RBFOX2: variants seen among roughly 807,000 people sequenced by gnomAD.
RBFOX2 encodes the protein RNA binding protein fox-1 homolog 2.
In RBFOX2, 10 loss-of-function variants were observed where a neutral mutation model predicts 49.1. The ratio of observed to expected loss-of-function variants is 0.20; its 90% CI spans 0.13 to 0.35. RBFOX2 has a LOEUF of 0.35. Among genes scored for constraint, RBFOX2 ranks in the 10% least tolerant of loss-of-function variants. The probability of loss-of-function intolerance (pLI) is 1.00; values close to 1 mark genes in which losing one functional copy is unlikely to be tolerated. For synonymous variants in RBFOX2, 183 were observed against 187.4 expected, an observed-to-expected ratio of 0.98 and a Z score of 0.19; for missense variants, 323 against 486.9, an observed-to-expected ratio of 0.66 and a Z score of 3.17.
At chr22:35,917,482 G>A (rs1191572612) in intron 1 of RBFOX2, among the ~76,000 whole-genome samples, 1 of 152,176 alleles carries the variant, frequency 6.6e-6, no homozygotes, top group Non-Finnish European at 1.5e-5. Flanking sequence ...CATTATGCTA[G>A]GCAAAAATTA....
At chr22:36,025,617 T>C (rs1287542416) in intron 1 of RBFOX2, among the ~76,000 whole-genome samples, 1 of 152,194 alleles carries the variant, frequency 6.6e-6, no homozygotes, top group African/African-American at 2.4e-5. Flanking sequence ...CATGTAATAC[T>C]CTCACACTTC....
At chr22:35,945,479 A>G (rs2054176012) in intron 1 of RBFOX2, among the ~76,000 whole-genome samples, 1 of 152,172 alleles carries the variant, frequency 6.6e-6, no homozygotes. Flanking sequence ...ACTGTCGCCC[A>G]GGCTGGACTG....
chr22:35,960,518 C>G (rs973746937), intron 1 of RBFOX2, among the ~76,000 whole-genome samples: 1 of 152,162 alleles, frequency 6.6e-6, no homozygotes, highest in Non-Finnish European at 1.5e-5. Flanking sequence ...TGGGTCACCT[C>G]AGAAGATGTC....
chr22:35,761,480 A>C lies in RBFOX2; in HGVS notation c.608-12T>G. 6.2e-7 allele frequency: 1 copy of C among 1,613,862 alleles called. No individual in the cohort carries two copies. Among genetic ancestry groups the C allele is most frequent in the East Asian group, 2.2e-5 (1 of 44,882 alleles). On this transcript the variant is annotated splice_polypyrimidine_tract_variant and intron_variant, in intron 6 of 11. Coordinates refer to ENST00000405409, the Ensembl canonical transcript of RBFOX2. ...GCTTAATTTCCAACCTGAAACACAC[A>C]AAATGGAAGGTAAGCATTTAAGACT...
At chr22:35,838,821 A>G (rs1284487456) in intron 1 of RBFOX2, among the ~76,000 whole-genome samples, 1 of 152,348 alleles carries the variant, frequency 6.6e-6, no homozygotes. Flanking sequence ...AATTTTCTAA[A>G]CTCAGATTTG....
At chr22:35,805,816 G>A (rs960542474) in intron 2 of RBFOX2, among the ~76,000 whole-genome samples, 2 of 152,040 alleles carry the variant, frequency 1.3e-5, no homozygotes, top group African/African-American at 4.8e-5. Flanking sequence ...TGAACTATTA[G>A]GACTTGAAAA....
chr22:36,022,939 A>G (rs2059299759), intron 1 of RBFOX2, among the ~76,000 whole-genome samples: 1 of 152,160 alleles, frequency 6.6e-6, no homozygotes, highest in Admixed American at 6.6e-5. Context: ...AACTGTGAGA[A>G]ATAAATGTCT....
intron 1 of RBFOX2, among the ~76,000 whole-genome samples, chr22:35,937,124 G>C (rs1024225810): frequency 1.3e-5 from 2 of 152,072 alleles, no homozygotes; most frequent in African/African-American, 4.8e-5. Flanking sequence ...ATCACCTTTG[G>C]GATTTTTAAA....
At chr22:35,796,015 A>C (rs923094581) in intron 2 of RBFOX2, among the ~76,000 whole-genome samples, 1 of 152,156 alleles carries the variant, frequency 6.6e-6, no homozygotes, top group Non-Finnish European at 1.5e-5. Flanking sequence ...TTTATTTTTT[A>C]ATGTTTAGCA....
intron 1 of RBFOX2, among the ~76,000 whole-genome samples, chr22:35,958,970 T>C (rs979136618): frequency 6.6e-6 from 1 of 151,872 alleles, no homozygotes; most frequent in Non-Finnish European, 1.5e-5. Flanking sequence ...TATATATATA[T>C]ATATATTGTG....
chr22:36,005,619 T>C (rs2058591334), intron 1 of RBFOX2, among the ~76,000 whole-genome samples: 1 of 152,204 alleles, frequency 6.6e-6, no homozygotes, highest in South Asian at 2.1e-4. Context: ...CACCTAACCC[T>C]AGTGCCTTCC....
intron 1 of RBFOX2, chr22:35,994,650 C>G (rs2058114756): frequency 6.6e-6 from 1 of 152,090 alleles, no homozygotes; most frequent in African/African-American, 2.4e-5. Context: ...AAGTGATCCT[C>G]CCACTTCGGC....
upstream of RBFOX2, among the ~76,000 whole-genome samples, chr22:35,963,465 AATT>A (rs1369997540): frequency 1.3e-5 from 2 of 152,210 alleles, no homozygotes; most frequent in East Asian, 1.9e-4. Context: ...AAGCACTAAT[AATT>A]ATTAAGTATA....
intron 1 of RBFOX2, among the ~76,000 whole-genome samples, chr22:35,902,451 A>G (rs1261020338): frequency 1.3e-5 from 2 of 152,148 alleles, no homozygotes; most frequent in African/African-American, 4.8e-5. Context: ...AAGAAAAATC[A>G]CATAACCAAG....
intron 1 of RBFOX2, among the ~76,000 whole-genome samples, chr22:35,870,779 C>T (rs2044269106): frequency 6.6e-6 from 1 of 152,138 alleles, no homozygotes; most frequent in African/African-American, 2.4e-5. Context: ...GAACTATATT[C>T]GTTGGACTTT....
intron 1 of RBFOX2, among the ~76,000 whole-genome samples, chr22:35,880,560 T>A (rs1429936686): frequency 1.3e-5 from 2 of 152,200 alleles, no homozygotes; most frequent in Admixed American, 1.3e-4. Flanking sequence ...GGCCCAACTT[T>A]TCTTTTCAAG....
At chr22:35,744,300 T>C in intron 11 of RBFOX2, 51 bp from the exon 14 acceptor site, 1 of 1,516,724 alleles carries the variant, frequency 6.6e-7, no homozygotes, top group South Asian at 1.2e-5. Flanking sequence ...GAGAGAAGCA[T>C]TAACAGTGAA....
At chr22:36,026,537 TACATAC>T (rs1556557810) in intron 1 of RBFOX2, among the ~76,000 whole-genome samples, 2 of 135,476 alleles carry the variant, frequency 1.5e-5, no homozygotes, top group African/African-American at 6.5e-5. Context: ...GATAAATGAA[TACATAC>T]ACACACACAC....
intron 1 of RBFOX2, among the ~76,000 whole-genome samples, chr22:35,890,417 AACT>A (rs756513104): frequency 1.8e-4 from 27 of 152,184 alleles, no homozygotes; most frequent in Non-Finnish European, 3.1e-4. Context: ...GATTAATGAT[AACT>A]AATAATAAAA....
Sources: allele counts gnomAD v4.1 joint callset (sites outside exome capture counted in the v4.1 genomes callset), GRCh38; gene constraint gnomAD v4.1.1; transcripts MANE v1.5; gene names NCBI Gene and HGNC (gene_info 2026-07-23, HGNC 2026-07-21).